Variants in PIP4K2B observed in about 807,000 individuals in gnomAD.
PIP4K2B encodes phosphatidylinositol 5-phosphate 4-kinase type-2 beta.
PIP4K2B carries 3 observed loss-of-function variants against 42.0 expected under a neutral mutation model. That is an observed-to-expected ratio of 0.07 (90% CI 0.03 to 0.18). PIP4K2B has a LOEUF of 0.18. PIP4K2B is among the 10% of genes least tolerant of loss of function. The probability of loss-of-function intolerance (pLI) is 1.00; values close to 1 mark genes in which losing one functional copy is unlikely to be tolerated. For missense variants in PIP4K2B, 332 were observed against 562.3 expected, an observed-to-expected ratio of 0.59 and a Z score of 4.14; for synonymous variants, 204 against 210.1, an observed-to-expected ratio of 0.97 and a Z score of 0.25.
intron 3 of PIP4K2B, among the ~76,000 whole-genome samples, 162 bp from the exon 4 acceptor site, chr17:38,780,766 C>T (rs997005918): frequency 2.0e-5 from 3 of 152,180 alleles, no homozygotes; most frequent in South Asian, 2.1e-4. Flanking sequence ...AGGGTGTTCA[C>T]ATCCCTCCCT....
At chr17:38,796,788 C>A (rs1477534474) in intron 1 of PIP4K2B, among the ~76,000 whole-genome samples, 3 of 152,138 alleles carry the variant, frequency 2.0e-5, no homozygotes, top group Admixed American at 2.0e-4. Flanking sequence ...TGCCTAAATG[C>A]CTAAACAGGT....
intron 1 of PIP4K2B, chr17:38,792,583 ACCTAGGATGCCTGGACTAGG>A (rs1910399059): frequency 6.6e-6 from 1 of 152,220 alleles, no homozygotes; most frequent in African/African-American, 2.4e-5. Flanking sequence ...AGGAATTGTT[ACCTAGGATGCCTGGACTAGG>A]CATGCAGGTT....
In PIP4K2B at chr17:38,767,592, G is replaced by T. The variant is rs1048037052; in HGVS notation, c.*2099C>A. 2 of 152,150 alleles carry T rather than the reference G, an allele frequency of 1.3e-5. No individual in the cohort carries two copies. The highest frequency in any genetic ancestry group is 4.8e-5 in the African/African-American group (2 of 41,408). 9.4% of individuals were successfully genotyped at this position (152,150 alleles called of 1,614,324 possible). A position where few individuals can be genotyped will look rare whatever the true frequency, so the allele number is the denominator to read the frequency against. ...CCTGGTAGTCGTCTTTAACCAGTAA[G>T]AATGTGTTACACTTTCCATACACAT... On this transcript the variant is annotated 3_prime_UTR_variant, in exon 10 of 10. Coordinates refer to ENST00000619039, the MANE Select transcript of PIP4K2B (RefSeq NM_003559.5).
chr17:38,794,588 T>TAAA (rs1567663923), intron 1 of PIP4K2B, among the ~76,000 whole-genome samples: 1 of 55,718 alleles, frequency 1.8e-5, no homozygotes, highest in African/African-American at 7.2e-5. Context: ...TCCTGGGCAA[T>TAAA]ACAGAGAAAC....
At chr17:38,792,933 A>AT (rs879813607) in intron 1 of PIP4K2B, 80 of 146,996 alleles carry the variant, frequency 5.4e-4, no homozygotes, top group Admixed American at 6.8e-4. Context: ...TTCTCTAAAG[A>AT]TTTTTTTTTT....
In PIP4K2B at chr17:38,768,684, G is replaced by A. The variant is rs1183426686; in HGVS notation, c.*1007C>T. 1 of 152,260 alleles carries A rather than the reference G, an allele frequency of 6.6e-6. No individual in the cohort carries two copies. The highest frequency in any genetic ancestry group is 2.4e-5 in the African/African-American group (1 of 41,454). 9.4% of individuals were successfully genotyped at this position (152,260 alleles called of 1,614,324 possible). ...TTCGGCTAGAAGTAAGAGTGCCTGGGAGGAGGTCAGAAGGAAGAAGGAAAT... is the reference window on the plus strand; with the variant it reads ...TTCGGCTAGAAGTAAGAGTGCCTGGAAGGAGGTCAGAAGGAAGAAGGAAAT... On this transcript the variant is annotated 3_prime_UTR_variant, in exon 10 of 10. Coordinates refer to ENST00000619039, the MANE Select transcript of PIP4K2B (RefSeq NM_003559.5).
intron 7 of PIP4K2B, among the ~76,000 whole-genome samples, chr17:38,775,505 C>T (rs1909285341): frequency 6.6e-6 from 1 of 152,208 alleles, no homozygotes; most frequent in African/African-American, 2.4e-5. Flanking sequence ...CCTCAGCCTC[C>T]TGAGCTGCTG....
At position 38,799,459 on chromosome 17, in the gene PIP4K2B, G is replaced by A. The variant is rs1179008880; in HGVS notation, c.-35C>T. ...GGCGGCGGCGGCGGCGAAAGAGGGG[G>A]GCGGCGGAGACAGCGCACAAGCCAG... On this transcript the variant is annotated 5_prime_UTR_variant, in exon 1 of 10. Coordinates refer to ENST00000619039, the MANE Select transcript of PIP4K2B (RefSeq NM_003559.5). The surrounding 1 kb of genome is among the most constrained non-coding windows in gnomAD (Gnocchi z 4.4). The A allele has an allele frequency of 7.8e-6, 12 of 1,534,442 alleles. No individual in the cohort carries two copies. Among genetic ancestry groups the A allele is most frequent in the South Asian group, 1.2e-5 (1 of 84,848 alleles).
chr17:38,791,406 ATTTTTTTTTTTTTTTTTTT>A (rs58027566), intron 1 of PIP4K2B, among the ~76,000 whole-genome samples: 1 of 91,156 alleles, frequency 1.1e-5, no homozygotes, highest in Non-Finnish European at 2.0e-5. Flanking sequence ...CAGACTGCCA[ATTTTTTTTTTTTTTTTTTT>A]TTTTTTTTGA....
chr17:38,794,793 T>C (rs763923485), intron 1 of PIP4K2B, among the ~76,000 whole-genome samples: 47 of 151,740 alleles, frequency 3.1e-4, no homozygotes, highest in Non-Finnish European at 5.4e-4. Flanking sequence ...CTTCAAAAGA[T>C]ACCATAAGAA....
At chr17:38,783,917 C>T (rs1453469651) in intron 3 of PIP4K2B, among the ~76,000 whole-genome samples, 1 of 152,152 alleles carries the variant, frequency 6.6e-6, no homozygotes, top group East Asian at 1.9e-4. Context: ...TCTTTGAAGT[C>T]AAACTACGAA....
In PIP4K2B at chr17:38,787,002, ATCTTGC is replaced by A. The variant is rs765482863; in HGVS notation, c.160-88_160-83del. 3.2e-4 allele frequency: 289 copies of A among 892,176 alleles called. 2 individuals carry two copies. In the Middle Eastern group the frequency reaches 5.0e-3, roughly 15 times the overall value. The allele number at this position is 892,176 out of a possible 1,614,324, so 55.3% of individuals were successfully genotyped here. ...ACTAAGCTACAATGTGGATGCCACAATCTTGCTAAAAGCATGTCCAAGTTTCCCTCT... is the reference window on the plus strand; with the variant it reads ...ACTAAGCTACAATGTGGATGCCACAATAAAAGCATGTCCAAGTTTCCCTCT... On this transcript the variant is annotated intron_variant, in intron 1 of 9. Coordinates refer to ENST00000619039, the MANE Select transcript of PIP4K2B (RefSeq NM_003559.5).
Position 38,785,109 on chromosome 17 carries a change from G to A in PIP4K2B, c.258-770C>T, listed in dbSNP as rs937151933. Among the ~76,000 whole-genome samples the A allele has an allele frequency of 2.0e-5, 3 of 152,264 alleles. No individual in the cohort carries two copies. The East Asian group carries it at 5.8e-4, about 29-fold the overall frequency. ...TGGGACCACAGAGCCCTGTCTGCTG[G>A]CTGCTGGCACCAATCTCCACCCTCC... On this transcript the variant is annotated intron_variant, in intron 2 of 9. Coordinates refer to ENST00000619039, the MANE Select transcript of PIP4K2B (RefSeq NM_003559.5).
At chr17:38,791,440 G>C (rs978648183) in intron 1 of PIP4K2B, among the ~76,000 whole-genome samples, 4 of 71,662 alleles carry the variant, frequency 5.6e-5, no homozygotes, top group Non-Finnish European at 1.1e-4. Flanking sequence ...TTTTGAGATA[G>C]AGCTTTGCTC....
intron 7 of PIP4K2B, chr17:38,776,225 C>T (rs376798701): frequency 7.9e-5 from 25 of 316,248 alleles, no homozygotes; most frequent in African/African-American, 4.7e-4. Flanking sequence ...CCACCTCAGC[C>T]TCCCAAAGTG....
chr17:38,778,859 G>T (rs981226527), intron 5 of PIP4K2B, among the ~76,000 whole-genome samples: 13 of 152,284 alleles, frequency 8.5e-5, no homozygotes, highest in Non-Finnish European at 1.3e-4. Context: ...AGAGAGAGAA[G>T]GAGACTATTC....
intron 8 of PIP4K2B, 65 bp downstream of exon 8, chr17:38,770,949 A>C (rs1908990936): frequency 6.3e-7 from 1 of 1,579,894 alleles, no homozygotes; most frequent in Admixed American, 1.7e-5. Context: ...GAAGGATCTA[A>C]ACAATGAGCT....
rs879884552 is a variant in PIP4K2B at position 38,779,278 on chromosome 17, AAC to A, written c.654+103_654+104del. ...CACTCCAGAGTTCCCTGTCCATGCCAACACATAGGCTCCAGCTTCCCAATTAC... is the reference window on the plus strand; with the variant it reads ...CACTCCAGAGTTCCCTGTCCATGCCAACATAGGCTCCAGCTTCCCAATTAC... On this transcript the variant is annotated intron_variant, in intron 5 of 9. Transcript: ENST00000619039. 54 of 1,184,638 alleles carry A rather than the reference AAC, an allele frequency of 4.6e-5. No homozygotes were observed. The African/African-American group carries it at 7.5e-4, about 16-fold the overall frequency. 73.4% of individuals were successfully genotyped at this position (1,184,638 alleles called of 1,614,324 possible).
At chr17:38,778,139 G>A (rs1909471624) in intron 6 of PIP4K2B, among the ~76,000 whole-genome samples, 195 bp downstream of exon 6, 1 of 152,178 alleles carries the variant, frequency 6.6e-6, no homozygotes, top group Non-Finnish European at 1.5e-5. Context: ...TGAGGGCAGA[G>A]GTAAAAGACC....
Sources: gnomAD v4.1 joint callset for allele counts (sites outside exome capture counted in the v4.1 genomes callset) on GRCh38, gnomAD v4.1.1 for gene constraint, Gnocchi (gnomAD v3.1) non-coding constraint, MANE v1.5 for transcripts, NCBI Gene and HGNC (gene_info 2026-07-23, HGNC 2026-07-21) for gene names.